The following R3HDM2 variants were observed in gnomAD, a reference collection of about 807,000 sequenced individuals.
R3HDM2 encodes R3H domain-containing protein 2.
Under a neutral mutation model 124.5 loss-of-function variants are expected in R3HDM2, and 38 were observed. That is an observed-to-expected ratio of 0.31 (90% CI 0.24 to 0.40). The LOEUF (loss-of-function observed/expected upper bound fraction) is 0.40, where lower values mean the gene tolerates loss of function less well. Ranked by LOEUF, R3HDM2 falls within the 10% of genes least tolerant of loss-of-function variation. The pLI is 1.00. For synonymous variants in R3HDM2, 391 were observed against 448.0 expected (o/e 0.87, Z 1.61); for missense variants, 869 against 1,236.9 (o/e 0.70, Z 4.46).
chr12:57,426,808 A>G (rs1360288730), intron 1 of R3HDM2, among the ~76,000 whole-genome samples: 1 of 152,170 alleles, frequency 6.6e-6, no homozygotes, highest in Non-Finnish European at 1.5e-5. Flanking sequence ...TCTCTCAATG[A>G]GTACCTTAGA....
At chr12:57,367,011 A>T (rs1215270542) in intron 2 of R3HDM2, among the ~76,000 whole-genome samples, 2 of 144,512 alleles carry the variant, frequency 1.4e-5, no homozygotes, top group South Asian at 2.1e-4. Context: ...AGACTTAGTG[A>T]CTTAGAAATA....
intron 2 of R3HDM2, among the ~76,000 whole-genome samples, chr12:57,345,548 T>C (rs1030863963): frequency 1.2e-4 from 17 of 147,618 alleles, no homozygotes; most frequent in African/African-American, 3.8e-4. Flanking sequence ...CACACACATA[T>C]ATTAAGAGAC....
At chr12:57,350,218 T>TAATAAAATAAAATAA (rs1275481332) in intron 2 of R3HDM2, among the ~76,000 whole-genome samples, 3 of 151,478 alleles carry the variant, frequency 2.0e-5, no homozygotes, top group Non-Finnish European at 4.4e-5. Flanking sequence ...TCAAACAAAT[T>TAATAAAATAAAATAA]AATAAAATAA....
chr12:57,415,719 T>C (rs1309019108), intron 1 of R3HDM2, among the ~76,000 whole-genome samples: 1 of 152,118 alleles, frequency 6.6e-6, no homozygotes, highest in Non-Finnish European at 1.5e-5. Flanking sequence ...AATAATGAGA[T>C]AAAGTCACAT....
At position 57,254,672 on chromosome 12, in the gene R3HDM2, G is replaced by T; in HGVS notation, c.*101C>A. The T allele has an allele frequency of 1.9e-6, 2 of 1,070,716 alleles. No homozygotes were observed. Among genetic ancestry groups the T allele is most frequent in the Non-Finnish European group, 1.3e-6 (1 of 754,358 alleles). The allele number at this position is 1,070,716 out of a possible 1,614,324, so 66.3% of individuals were successfully genotyped here. A position where few individuals can be genotyped will look rare whatever the true frequency, so the allele number is the denominator to read the frequency against. On this transcript the variant is annotated 3_prime_UTR_variant, in exon 24 of 24. Transcript: ENST00000402412. ...TGTCTTAGGTTCCAGTTTAACATCA[G>T]TTTCCTTACTTCCTGCCTCTGTCCA...
chr12:57,415,198 A>G (rs1007008551), intron 1 of R3HDM2: 2 of 152,164 alleles, frequency 1.3e-5, no homozygotes, highest in Non-Finnish European at 1.5e-5. Context: ...CCTCAAAAAC[A>G]TAAGGGAGGA....
At chr12:57,317,486 G>T (rs2055337138) in intron 2 of R3HDM2, among the ~76,000 whole-genome samples, 1 of 151,996 alleles carries the variant, frequency 6.6e-6, no homozygotes, top group South Asian at 2.1e-4. Flanking sequence ...TGACTGGCTG[G>T]AGCCTGCATC....
chr12:57,317,988 C>G (rs6421188), intron 2 of R3HDM2, among the ~76,000 whole-genome samples: 6 of 144,540 alleles, frequency 4.2e-5, no homozygotes, highest in South Asian at 4.3e-4. Context: ...CCCGCCCCCC[C>G]AAAAAAAAAA....
Position 57,295,392 on chromosome 12 carries a change from T to A in R3HDM2, c.810+7A>T. On this transcript the variant is annotated splice_region_variant and intron_variant, in intron 10 of 23. Coordinates refer to ENST00000402412, the MANE Select transcript of R3HDM2 (RefSeq NM_001394031.1). Reference sequence around the variant, plus strand: ...TCTATATAGGCCCACCCCTTTCCATTCTTCACCTGGTTATCATCTCGGTCC... The same window carrying A: ...TCTATATAGGCCCACCCCTTTCCATACTTCACCTGGTTATCATCTCGGTCC... 6.5e-7 allele frequency: 1 copy of A among 1,544,684 alleles called. No homozygotes were observed.
intron 2 of R3HDM2, among the ~76,000 whole-genome samples, chr12:57,316,220 T>C (rs1009851615): frequency 2.6e-5 from 4 of 152,246 alleles, no homozygotes; most frequent in Admixed American, 2.0e-4. Context: ...CAGACTTCCC[T>C]GTTCTTCCAC....
chr12:57,269,167 T>C (rs2043079539), intron 16 of R3HDM2, 85 bp from the exon 17 acceptor site: 1 of 1,564,670 alleles, frequency 6.4e-7, no homozygotes, highest in African/African-American at 1.4e-5. Flanking sequence ...CCATTCTATT[T>C]TATCTTTCTT....
intron 1 of R3HDM2, 71 bp downstream of exon 1, chr12:57,430,649 G>T (rs957402082): frequency 5.3e-6 from 5 of 949,566 alleles, no homozygotes; most frequent in Non-Finnish European, 6.3e-6. Context: ...GCGCCCGCCC[G>T]TGCGGCCGCC....
intron 13 of R3HDM2, among the ~76,000 whole-genome samples, chr12:57,282,056 T>A (rs1267867306): frequency 6.6e-6 from 1 of 152,102 alleles, no homozygotes; most frequent in Non-Finnish European, 1.5e-5. Flanking sequence ...ATGCCTGTAA[T>A]CCCAGCACTT....
chr12:57,266,182 T>C (rs990288377), intron 19 of R3HDM2, among the ~76,000 whole-genome samples: 6 of 150,612 alleles, frequency 4.0e-5, no homozygotes, highest in African/African-American at 1.2e-4. Flanking sequence ...CTGCAACCTC[T>C]GCCTCCCAGG....
intron 2 of R3HDM2, among the ~76,000 whole-genome samples, chr12:57,322,577 G>A (rs923284804): frequency 1.1e-4 from 16 of 152,204 alleles, no homozygotes; most frequent in African/African-American, 3.9e-4. Context: ...GGCAGAAACA[G>A]ACCAGAACCT....
chr12:57,413,365 G>A (rs781378418), intron 1 of R3HDM2, among the ~76,000 whole-genome samples: 10 of 151,194 alleles, frequency 6.6e-5, no homozygotes, highest in Non-Finnish European at 8.8e-5. Context: ...ATGCTGAGGT[G>A]GGAGAATCGC....
At chr12:57,272,545 C>G in intron 14 of R3HDM2, 11 of 1,334,022 alleles carry the variant, frequency 8.2e-6, no homozygotes, top group Non-Finnish European at 1.1e-5. Context: ...GGCTGCAGAG[C>G]CGGGACTGGC....
At chr12:57,370,396 CCGG>C (rs2063176190) in intron 2 of R3HDM2, among the ~76,000 whole-genome samples, 1 of 68,680 alleles carries the variant, frequency 1.5e-5, no homozygotes, top group Non-Finnish European at 2.9e-5. Context: ...TTTGGGAGGC[CCGG>C]GGGGGGGGGG....
At chr12:57,365,250 TGA>T (rs2062493811) in intron 2 of R3HDM2, among the ~76,000 whole-genome samples, 1 of 148,400 alleles carries the variant, frequency 6.7e-6, no homozygotes, top group Non-Finnish European at 1.5e-5. Context: ...GGTGACAGAG[TGA>T]GACTCTGTCT....
Sources: allele counts gnomAD v4.1 joint callset (sites outside exome capture counted in the v4.1 genomes callset), GRCh38; gene constraint gnomAD v4.1.1; transcripts MANE v1.5; gene names NCBI Gene and HGNC (gene_info 2026-07-23, HGNC 2026-07-21).